Variants in ADGRB3 observed in about 807,000 individuals in gnomAD.
ADGRB3 encodes brain-specific angiogenesis inhibitor 3.
A neutral mutation model predicts 193.4 loss-of-function variants in ADGRB3; 37 were observed. The ratio of observed to expected loss-of-function variants is 0.19; its 90% CI spans 0.15 to 0.25. The LOEUF (loss-of-function observed/expected upper bound fraction) is 0.25, where lower values mean the gene tolerates loss of function less well. Ranked by LOEUF, ADGRB3 falls within the 10% of genes least tolerant of loss-of-function variation. The probability of loss-of-function intolerance (pLI) is 1.00; values close to 1 mark genes in which losing one functional copy is unlikely to be tolerated. For missense variants in ADGRB3, 1,637 were observed against 1,852.9 expected (o/e 0.88, Z 2.14); for synonymous variants, 690 against 644.2 (o/e 1.07, Z -1.08).
chr6:69,282,385 C>T (rs1213675334), intron 20 of ADGRB3, among the ~76,000 whole-genome samples: 4 of 152,040 alleles, frequency 2.6e-5, no homozygotes, highest in Admixed American at 6.6e-5. Flanking sequence ...GCCACCAGTT[C>T]ATAAAAATAT....
chr6:69,040,886 G>A (rs1375403711), intron 13 of ADGRB3, among the ~76,000 whole-genome samples: 1 of 151,970 alleles, frequency 6.6e-6, no homozygotes, highest in Non-Finnish European at 1.5e-5. Context: ...TTTCTTGACT[G>A]GCCTTTTAGT....
chr6:69,201,808 C>T (rs1765422890), intron 17 of ADGRB3, among the ~76,000 whole-genome samples: 1 of 152,074 alleles, frequency 6.6e-6, no homozygotes, highest in Admixed American at 6.6e-5. Flanking sequence ...ACTATTTCAA[C>T]TACCTCCAGG....
chr6:68,651,047 CTT>C (rs1768355071), intron 3 of ADGRB3, among the ~76,000 whole-genome samples: 1 of 152,152 alleles, frequency 6.6e-6, no homozygotes, highest in African/African-American at 2.4e-5. Context: ...TTTATATAAT[CTT>C]TCCACATAAA....
At chr6:68,661,186 A>G (rs945541761) in intron 3 of ADGRB3, among the ~76,000 whole-genome samples, 8 of 149,512 alleles carry the variant, frequency 5.4e-5, no homozygotes, top group South Asian at 4.2e-4. Context: ...TTCAAGTCAG[A>G]GCCACTGAAT....
intron 17 of ADGRB3, among the ~76,000 whole-genome samples, chr6:69,137,031 C>CAG (rs1774169051): frequency 6.7e-6 from 1 of 148,458 alleles, no homozygotes; most frequent in Non-Finnish European, 1.5e-5. Flanking sequence ...CCCACCGATG[C>CAG]AGTGGTGTTT....
intron 11 of ADGRB3, among the ~76,000 whole-genome samples, chr6:68,996,658 G>A (rs556329747): frequency 5.3e-5 from 8 of 152,178 alleles, no homozygotes; most frequent in African/African-American, 1.7e-4. Context: ...GACCGGCTTC[G>A]TCTATCTCAA....
chr6:68,978,996 CATT>C (rs919573666), intron 10 of ADGRB3, among the ~76,000 whole-genome samples: 11 of 151,102 alleles, frequency 7.3e-5, no homozygotes, highest in African/African-American at 2.7e-4. Context: ...CATTAATAAA[CATT>C]AGTTGTGTAT....
chr6:68,684,054 T>C (rs1016074122), intron 3 of ADGRB3, among the ~76,000 whole-genome samples: 9 of 152,192 alleles, frequency 5.9e-5, no homozygotes, highest in Non-Finnish European at 1.2e-4. Context: ...ACTGGAAATA[T>C]AGATTTTTTA....
chr6:69,140,911 G>C (rs554288468), intron 17 of ADGRB3, among the ~76,000 whole-genome samples: 12 of 152,096 alleles, frequency 7.9e-5, no homozygotes, highest in Non-Finnish European at 1.6e-4. Context: ...ATAATAACCT[G>C]CTTGATTCCA....
intron 13 of ADGRB3, among the ~76,000 whole-genome samples, chr6:69,044,080 T>G (rs969167940): frequency 2.5e-4 from 38 of 151,838 alleles, no homozygotes; most frequent in African/African-American, 9.2e-4. Flanking sequence ...GCAGCAGGAG[T>G]AAACCAGAAC....
intron 17 of ADGRB3, among the ~76,000 whole-genome samples, chr6:69,229,103 C>T (rs550445566): frequency 1.3e-5 from 2 of 152,224 alleles, no homozygotes; most frequent in Middle Eastern, 3.4e-3. Flanking sequence ...AGTAAAACTT[C>T]CTGATTTTAT....
chr6:69,284,078 G>A (rs1327231137), intron 20 of ADGRB3, among the ~76,000 whole-genome samples: 1 of 152,056 alleles, frequency 6.6e-6, no homozygotes, highest in African/African-American at 2.4e-5. Context: ...TGTTCTATAA[G>A]GTGATAAAGA....
chr6:68,774,310 T>A (rs768221087), intron 3 of ADGRB3, among the ~76,000 whole-genome samples: 6 of 151,652 alleles, frequency 4.0e-5, no homozygotes, highest in African/African-American at 1.4e-4. Flanking sequence ...ATTTTAATAA[T>A]CTATTTTATG....
intron 20 of ADGRB3, among the ~76,000 whole-genome samples, chr6:69,301,313 T>G (rs1199826983): frequency 6.6e-6 from 1 of 150,534 alleles, no homozygotes; most frequent in Non-Finnish European, 1.5e-5. Context: ...ATATAAGTAT[T>G]CAGTATTAAA....
chr6:68,748,683 G>A (rs1766132360), intron 3 of ADGRB3, among the ~76,000 whole-genome samples: 1 of 152,114 alleles, frequency 6.6e-6, no homozygotes, highest in Non-Finnish European at 1.5e-5. Context: ...TACCATTCTG[G>A]ACCCTGGAGG....
rs545486834 is a variant in ADGRB3, at chr6:68,860,890, G to A, written c.758-69669G>A. The stretch of plus-strand genomic sequence containing the variant: ...TTTTAAATATGCTTTTTTTTTAAGA[G>A]CAGTGGATATTATTGGGGCTACTCT... On this transcript the variant is annotated intron_variant, in intron 3 of 31. Transcript: ENST00000370598. Among the ~76,000 whole-genome samples, 10 of 151,996 alleles carry A rather than the reference G, an allele frequency of 6.6e-5. No individual in the cohort carries two copies. The South Asian group carries it at 2.1e-3, about 32-fold the overall frequency.
chr6:68,661,493 G>A lies in ADGRB3; in HGVS notation c.757+22061G>A, dbSNP rs6149629. 2.3e-4 allele frequency among the ~76,000 whole-genome samples: 25 copies of A among 106,966 alleles called. 2 individuals carry two copies. Among genetic ancestry groups the A allele is most frequent in the African/African-American group, 7.1e-4 (21 of 29,468 alleles). The allele number at this position is 106,966 out of a possible 152,430, so 70.2% of individuals were successfully genotyped here. A position where few individuals can be genotyped will look rare whatever the true frequency, so the allele number is the denominator to read the frequency against. On this transcript the variant is annotated intron_variant, in intron 3 of 31. Transcript: ENST00000370598. ...TATATATGTGTATACATATATATATGTGTGTATACATATATATGTGTGTAT... is the reference window on the plus strand; with the variant it reads ...TATATATGTGTATACATATATATATATGTGTATACATATATATGTGTGTAT...
chr6:69,302,668 A>G (rs1256518459), intron 20 of ADGRB3, among the ~76,000 whole-genome samples: 1 of 151,978 alleles, frequency 6.6e-6, no homozygotes, highest in Non-Finnish European at 1.5e-5. Flanking sequence ...ACCCTGTAGG[A>G]AAGGATTGTC....
At chr6:69,111,495 A>G (rs901086006) in intron 17 of ADGRB3, among the ~76,000 whole-genome samples, 2 of 152,214 alleles carry the variant, frequency 1.3e-5, no homozygotes, top group African/African-American at 4.8e-5. Context: ...ACAAGCATTT[A>G]GATAAAACTG....
Sources: allele counts gnomAD v4.1 joint callset (sites outside exome capture counted in the v4.1 genomes callset), GRCh38; gene constraint gnomAD v4.1.1; transcripts MANE v1.5; gene names NCBI Gene and HGNC (gene_info 2026-07-23, HGNC 2026-07-21).